The following CNTNAP2 variants were observed in gnomAD, a reference collection of about 807,000 sequenced individuals.
The protein encoded by CNTNAP2 is contactin associated protein 2, also known as contactin-associated protein-like 2.
A neutral mutation model predicts 155.2 loss-of-function variants in CNTNAP2; 98 were observed. The observed-to-expected ratio is 0.63, with a 90% CI of 0.54 to 0.75. The LOEUF (loss-of-function observed/expected upper bound fraction) is 0.75, where lower values mean the gene tolerates loss of function less well. Ranked by LOEUF, CNTNAP2 falls within the 30% of genes least tolerant of loss-of-function variation. The pLI, the probability that CNTNAP2 is intolerant of heterozygous loss-of-function variation, is 0.00. For missense variants in CNTNAP2, 1,727 were observed against 1,688.1 expected (o/e 1.02, Z -0.40); for synonymous variants, 651 against 631.2 (o/e 1.03, Z -0.47).
intron 16 of CNTNAP2, among the ~76,000 whole-genome samples, chr7:148,123,838 G>C (rs1804657915): frequency 6.6e-6 from 1 of 151,988 alleles, no homozygotes; most frequent in Admixed American, 6.6e-5. Flanking sequence ...GAAACCAAAT[G>C]AAAAAGACAT....
At chr7:146,938,768 A>T (rs116574096) in intron 3 of CNTNAP2, among the ~76,000 whole-genome samples, 2,770 of 152,190 alleles carry the variant, frequency 0.018, 73 homozygotes, top group African/African-American at 0.062. Flanking sequence ...GGGACAAAAA[A>T]TTACGCATTT....
chr7:148,048,570 G>T (rs1802819676), intron 15 of CNTNAP2, among the ~76,000 whole-genome samples: 1 of 152,148 alleles, frequency 6.6e-6, no homozygotes, highest in South Asian at 2.1e-4. Flanking sequence ...TGTCAGGGGA[G>T]TGTCTCTTAC....
At chr7:147,492,287 T>G (rs2116650328) in intron 11 of CNTNAP2, among the ~76,000 whole-genome samples, 1 of 152,320 alleles carries the variant, frequency 6.6e-6, no homozygotes. Context: ...GCCGCTGATC[T>G]GACAGAAGAC....
intron 11 of CNTNAP2, among the ~76,000 whole-genome samples, chr7:147,552,841 A>C (rs1285384640): frequency 6.6e-6 from 1 of 152,294 alleles, no homozygotes; most frequent in Middle Eastern, 3.4e-3. Flanking sequence ...ATCCTAGACA[A>C]GTTAACTATT....
chr7:146,426,300 C>CAG (rs2129115673), intron 1 of CNTNAP2, among the ~76,000 whole-genome samples: 1 of 150,192 alleles, frequency 6.7e-6, no homozygotes, highest in East Asian at 2.0e-4. Flanking sequence ...ACCATGGTAC[C>CAG]AGAGCTCATG....
At chr7:146,132,202 G>T (rs1188545642) in intron 1 of CNTNAP2, among the ~76,000 whole-genome samples, 1 of 152,076 alleles carries the variant, frequency 6.6e-6, no homozygotes, top group East Asian at 1.9e-4. Context: ...TAGAACATAG[G>T]CCAATAAGTG....
intron 1 of CNTNAP2, among the ~76,000 whole-genome samples, chr7:146,494,036 A>T (rs937923198): frequency 6.6e-6 from 1 of 152,168 alleles, no homozygotes; most frequent in Non-Finnish European, 1.5e-5. Context: ...TAAAAAATTT[A>T]AAAAATAAAA....
intron 1 of CNTNAP2, among the ~76,000 whole-genome samples, chr7:146,684,521 A>G (rs987657942): frequency 7.9e-5 from 12 of 151,724 alleles, no homozygotes; most frequent in Non-Finnish European, 2.9e-5. Flanking sequence ...AATGTGGCAT[A>G]ACTTATGTGG....
intron 15 of CNTNAP2, among the ~76,000 whole-genome samples, chr7:148,031,836 G>A (rs944195654): frequency 6.6e-6 from 1 of 152,122 alleles, no homozygotes; most frequent in African/African-American, 2.4e-5. Flanking sequence ...ATTTACTGAG[G>A]AGGAGACTCA....
chr7:148,096,144 T>C (rs539397651), intron 15 of CNTNAP2, among the ~76,000 whole-genome samples: 1 of 152,238 alleles, frequency 6.6e-6, no homozygotes, highest in South Asian at 2.1e-4. Flanking sequence ...TGGTCAAATG[T>C]AAACTTTGGA....
In CNTNAP2 at chr7:147,852,195, T is replaced by C. The variant is rs548726331; in HGVS notation, c.2099-51370T>C. On this transcript the variant is annotated intron_variant, in intron 13 of 23. Coordinates refer to ENST00000361727, the MANE Select transcript of CNTNAP2 (RefSeq NM_014141.6). Reference sequence around the variant, plus strand: ...AATTCATGAATTATGTAGTTAATTATTACATCAAAGAAGATCTCGCCGCAC... The same window carrying C: ...AATTCATGAATTATGTAGTTAATTACTACATCAAAGAAGATCTCGCCGCAC... Among the ~76,000 whole-genome samples the C allele has an allele frequency of 6.6e-5, 10 of 152,302 alleles. No homozygotes were observed. The South Asian group carries it at 1.7e-3, about 25-fold the overall frequency.
At chr7:147,089,175 G>A (rs1169453868) in intron 4 of CNTNAP2, among the ~76,000 whole-genome samples, 3 of 152,142 alleles carry the variant, frequency 2.0e-5, no homozygotes, top group African/African-American at 4.8e-5. Flanking sequence ...TGTTGCCCCT[G>A]CAGAGAGAAT....
intron 10 of CNTNAP2, among the ~76,000 whole-genome samples, chr7:147,470,472 G>T (rs571772266): frequency 1.1e-3 from 172 of 152,126 alleles, no homozygotes; most frequent in Non-Finnish European, 1.9e-3. Flanking sequence ...AGTAGAGATG[G>T]TAGCTATGAT....
At chr7:146,282,410 A>G (rs975092388) in intron 1 of CNTNAP2, among the ~76,000 whole-genome samples, 1 of 152,230 alleles carries the variant, frequency 6.6e-6, no homozygotes, top group African/African-American at 2.4e-5. Context: ...TGAAATGATT[A>G]TATGTAGGCA....
intron 16 of CNTNAP2, among the ~76,000 whole-genome samples, chr7:148,140,250 C>T (rs756342130): frequency 6.6e-6 from 1 of 152,148 alleles, no homozygotes; most frequent in Non-Finnish European, 1.5e-5. Flanking sequence ...CCTGAGCCTC[C>T]ATGTTCAGAG....
rs1158590990 is a variant in CNTNAP2 at position 146,315,081 on chromosome 7, G to A, written c.97+198108G>A. Among the ~76,000 whole-genome samples the A allele has an allele frequency of 3.3e-5, 5 of 152,114 alleles. No individual in the cohort carries two copies. In the East Asian group the frequency reaches 9.7e-4, roughly 30 times the overall value. The stretch of plus-strand genomic sequence containing the variant: ...GTGCTTCCTGTTTAGGCTCAAGTTG[G>A]CTTTTTCTTTATTGCTTTGTAGGCT... On this transcript the variant is annotated intron_variant, in intron 1 of 23. Transcript: ENST00000361727.
chr7:147,343,624 A>T (rs1380344115), intron 9 of CNTNAP2, among the ~76,000 whole-genome samples: 1 of 152,188 alleles, frequency 6.6e-6, no homozygotes, highest in African/African-American at 2.4e-5. Context: ...TTGTGAATAT[A>T]AAGTTTTAAT....
chr7:147,737,185 G>A lies in CNTNAP2; in HGVS notation c.2098+97879G>A, dbSNP rs139307210. Reference sequence around the variant, plus strand: ...ACCTTTGGTGTTTGATGATGGTGACGTACAGGTGGGGTTTTGGTGTTGATG... The same window carrying A: ...ACCTTTGGTGTTTGATGATGGTGACATACAGGTGGGGTTTTGGTGTTGATG... On this transcript the variant is annotated intron_variant, in intron 13 of 23. Transcript: ENST00000361727. Among the ~76,000 whole-genome samples the A allele has an allele frequency of 4.6e-3, 694 of 152,212 alleles. 5 individuals carry two copies. Among genetic ancestry groups the A allele is most frequent in the African/African-American group, 0.013 (535 of 41,548 alleles).
At chr7:147,269,925 C>T (rs1429545136) in intron 8 of CNTNAP2, among the ~76,000 whole-genome samples, 2 of 151,930 alleles carry the variant, frequency 1.3e-5, no homozygotes, top group Admixed American at 6.6e-5. Context: ...AGTTGGGTTT[C>T]GTGGCGTGCT....
Sources: gnomAD v4.1 joint callset for allele counts (sites outside exome capture counted in the v4.1 genomes callset) on GRCh38, gnomAD v4.1.1 for gene constraint, MANE v1.5 for transcripts, NCBI Gene and HGNC (gene_info 2026-07-23, HGNC 2026-07-21) for gene names.